Variants in NCALD observed in about 807,000 individuals in gnomAD.
NCALD encodes neurocalcin delta.
A neutral mutation model predicts 18.6 loss-of-function variants in NCALD; 10 were observed. That is an observed-to-expected ratio of 0.54 (90% CI 0.33 to 0.91). NCALD has a LOEUF of 0.91. Among genes scored for constraint, NCALD ranks in the 40% least tolerant of loss-of-function variants. NCALD has a pLI of 0.03. For missense variants in NCALD, 184 were observed against 247.6 expected, an observed-to-expected ratio of 0.74 and a Z score of 1.72; for synonymous variants, 88 against 87.4, an observed-to-expected ratio of 1.01 and a Z score of -0.04.
intron 3 of NCALD, among the ~76,000 whole-genome samples, chr8:101,899,714 C>A (rs1817347065): frequency 6.7e-6 from 1 of 148,586 alleles, no homozygotes; most frequent in Non-Finnish European, 1.5e-5. Context: ...ATTCTTTTAT[C>A]CCTAGAATAA....
intron 2 of NCALD, among the ~76,000 whole-genome samples, chr8:101,984,965 T>C (rs892930818): frequency 6.6e-6 from 1 of 152,148 alleles, no homozygotes; most frequent in Non-Finnish European, 1.5e-5. Context: ...ACCAGCCCTT[T>C]AAGTAGCCTG....
At chr8:101,891,661 G>C (rs944291392) in intron 3 of NCALD, among the ~76,000 whole-genome samples, 2 of 152,250 alleles carry the variant, frequency 1.3e-5, no homozygotes, top group Non-Finnish European at 1.5e-5. Context: ...TGCGTGCACC[G>C]AGTGCGAGCC....
chr8:101,829,811 T>A (rs931480543), intron 4 of NCALD, among the ~76,000 whole-genome samples: 4 of 152,196 alleles, frequency 2.6e-5, no homozygotes, highest in African/African-American at 7.2e-5. Context: ...TTTGTTCTCA[T>A]CCTTGATTCT....
chr8:101,842,923 A>AGAT (rs1814703984), intron 4 of NCALD, among the ~76,000 whole-genome samples: 1 of 152,208 alleles, frequency 6.6e-6, no homozygotes, highest in South Asian at 2.1e-4. Flanking sequence ...GTTGGGGGGA[A>AGAT]GATGAGAAGA....
Position 101,988,724 on chromosome 8 carries a change from G to C in NCALD, c.-157+31513C>G, listed in dbSNP as rs147846560. Among the ~76,000 whole-genome samples, 467 of 152,108 alleles carry C rather than the reference G, an allele frequency of 3.1e-3. 2 individuals carry two copies. In the Middle Eastern group the frequency reaches 0.037, roughly 12 times the overall value. On this transcript the variant is annotated intron_variant, in intron 2 of 6. Coordinates refer to the NCALD transcript ENST00000311028. ...ATGAAGGTATATTCTTGCTTACCAA[G>C]TCAGCTTCAGGGTTTTTCCCTTGTT... is the stretch of plus-strand genomic sequence containing the variant.
At chr8:101,895,279 T>C (rs1008767574) in intron 3 of NCALD, among the ~76,000 whole-genome samples, 3 of 123,596 alleles carry the variant, frequency 2.4e-5, no homozygotes, top group African/African-American at 9.4e-5. Flanking sequence ...ATTATGTCAA[T>C]AGATGGAGAA....
At chr8:101,799,440 AC>A (rs1812756659) in intron 4 of NCALD, among the ~76,000 whole-genome samples, 1 of 152,220 alleles carries the variant, frequency 6.6e-6, no homozygotes, top group Non-Finnish European at 1.5e-5. Flanking sequence ...TTCCAGAGAA[AC>A]GAAGACACGC....
intron 1 of NCALD, among the ~76,000 whole-genome samples, chr8:102,041,162 T>C (rs1823037422): frequency 6.6e-6 from 1 of 152,192 alleles, no homozygotes; most frequent in Admixed American, 6.5e-5. Context: ...TTATCTGCAC[T>C]CTTTTGTCTC....
intron 2 of NCALD, among the ~76,000 whole-genome samples, chr8:101,919,540 T>G (rs1013457157): frequency 6.6e-6 from 1 of 151,798 alleles, no homozygotes; most frequent in African/African-American, 2.4e-5. Context: ...AAGAACTAAT[T>G]AAACTAAAGA....
intron 2 of NCALD, among the ~76,000 whole-genome samples, chr8:101,927,880 C>T (rs976881750): frequency 1.3e-5 from 2 of 152,142 alleles, no homozygotes; most frequent in African/African-American, 4.8e-5. Context: ...GGATTTCATT[C>T]TCAGTGCAAC....
At chr8:101,917,232 T>C (rs11994552) in intron 2 of NCALD, among the ~76,000 whole-genome samples, 30,603 of 151,998 alleles carry the variant, frequency 0.2, 4,473 homozygotes, top group African/African-American at 0.42. Context: ...TAACAACTTG[T>C]TTCTGAGTGG....
intron 1 of NCALD, among the ~76,000 whole-genome samples, chr8:102,068,395 C>G (rs1824077096): frequency 6.6e-6 from 1 of 152,236 alleles, no homozygotes; most frequent in Non-Finnish European, 1.5e-5. Flanking sequence ...TGGCCTCTCT[C>G]CTGTTTCTTG....
intron 4 of NCALD, among the ~76,000 whole-genome samples, chr8:101,844,118 G>T (rs1814766152): frequency 6.6e-6 from 1 of 152,056 alleles, no homozygotes; most frequent in Non-Finnish European, 1.5e-5. Flanking sequence ...CTTTTCCTGT[G>T]GCTTCCTAAA....
intron 1 of NCALD, among the ~76,000 whole-genome samples, chr8:102,037,212 A>G (rs942504167): frequency 2.8e-4 from 43 of 152,218 alleles, no homozygotes; most frequent in Admixed American, 9.2e-4. Context: ...AAACTTTACT[A>G]TAATTCTATT....
upstream of NCALD, among the ~76,000 whole-genome samples, chr8:101,792,250 GATTAC>G (rs1402742181): frequency 1.3e-5 from 2 of 152,174 alleles, no homozygotes; most frequent in African/African-American, 4.8e-5. Context: ...CAGCCAGGCA[GATTAC>G]ATTTGTGTCA....
chr8:101,843,446 G>A (rs1209972627), intron 4 of NCALD, among the ~76,000 whole-genome samples: 2 of 149,630 alleles, frequency 1.3e-5, no homozygotes, highest in Non-Finnish European at 3.0e-5. Context: ...ACATGTGCAT[G>A]CACACACACA....
chr8:102,030,076 C>A (rs927395615), intron 1 of NCALD, among the ~76,000 whole-genome samples: 6 of 152,184 alleles, frequency 3.9e-5, no homozygotes, highest in Non-Finnish European at 5.9e-5. Flanking sequence ...GTGAACAACA[C>A]TGGTGAGGCA....
intron 3 of NCALD, among the ~76,000 whole-genome samples, chr8:101,892,135 A>C (rs1442727019): frequency 6.6e-6 from 1 of 151,022 alleles, no homozygotes; most frequent in Non-Finnish European, 1.5e-5. Flanking sequence ...TGAAGAGAGC[A>C]GTGGTTCTCC....
In NCALD at chr8:101,691,677, A is replaced by G. The variant is rs904658429; in HGVS notation, c.484+1114T>C. 1.4e-5 allele frequency: 14 copies of G among 985,436 alleles called. No individual in the cohort carries two copies. In the East Asian group the frequency reaches 1.5e-3, roughly 104 times the overall value. The allele number at this position is 985,436 out of a possible 1,614,324, so 61.0% of individuals were successfully genotyped here. Reference sequence around the variant, plus strand: ...ATAAGGGGACATAGGATGTTTCCAAATGGAATGGCACCTTTGTGGAGGAAA... The same window carrying G: ...ATAAGGGGACATAGGATGTTTCCAAGTGGAATGGCACCTTTGTGGAGGAAA... On this transcript the variant is annotated intron_variant, in intron 3 of 3. Transcript: ENST00000220931.
Sources: allele counts gnomAD v4.1 joint callset (sites outside exome capture counted in the v4.1 genomes callset), GRCh38; gene constraint gnomAD v4.1.1; transcripts MANE v1.5; gene names NCBI Gene and HGNC (gene_info 2026-07-23, HGNC 2026-07-21).